The following SORCS2 variants were observed in gnomAD, a reference collection of about 807,000 sequenced individuals.
SORCS2 encodes the protein sortilin related VPS10 domain containing receptor 2, also known as VPS10 domain-containing receptor SorCS2.
A neutral mutation model predicts 141.6 loss-of-function variants in SORCS2; 100 were observed. The observed-to-expected ratio is 0.71, with a 90% CI of 0.60 to 0.83. SORCS2 has a LOEUF of 0.83. SORCS2 is among the 40% of genes least tolerant of loss of function. The pLI, the probability that SORCS2 is intolerant of heterozygous loss-of-function variation, is 0.00. For missense variants in SORCS2, 1,646 were observed against 1,560.2 expected, an observed-to-expected ratio of 1.05 and a Z score of -0.93; for synonymous variants, 789 against 676.9, an observed-to-expected ratio of 1.17 and a Z score of -2.57.
chr4:7,198,696 C>A (rs1727310436), intron 1 of SORCS2, among the ~76,000 whole-genome samples: 1 of 152,126 alleles, frequency 6.6e-6, no homozygotes, highest in African/African-American at 2.4e-5. Flanking sequence ...GGGGTGAGTG[C>A]CTGTCATACT....
intron 1 of SORCS2, among the ~76,000 whole-genome samples, chr4:7,357,454 G>A (rs950289412): frequency 8.5e-5 from 13 of 152,212 alleles, no homozygotes; most frequent in African/African-American, 2.9e-4. Flanking sequence ...TGGCAGAGAA[G>A]CCTGGCTGCT....
At chr4:7,369,904 C>G (rs114698452) in intron 1 of SORCS2, among the ~76,000 whole-genome samples, 151 of 152,362 alleles carry the variant, frequency 9.9e-4, no homozygotes, top group African/African-American at 3.4e-3. Flanking sequence ...CCAGCTCCCC[C>G]TCCCCATGTT....
At chr4:7,448,165 GC>G in intron 2 of SORCS2, among the ~76,000 whole-genome samples, 1 of 152,284 alleles carries the variant, frequency 6.6e-6, no homozygotes, top group East Asian at 1.9e-4. Context: ...TGTGTTTCGT[GC>G]CCCCCACTGT....
chr4:7,638,520 G>A, intron 4 of SORCS2, 28 bp downstream of exon 4: 1 of 1,595,314 alleles, frequency 6.3e-7, no homozygotes, highest in Non-Finnish European at 8.5e-7. Context: ...CAGTCGCCTG[G>A]TCTGTGGGGC....
chr4:7,527,882 C>A (rs1288662928), intron 2 of SORCS2, among the ~76,000 whole-genome samples: 1 of 152,134 alleles, frequency 6.6e-6, no homozygotes, highest in East Asian at 1.9e-4. Flanking sequence ...TTAGACCTGG[C>A]AGTGGGGGCA....
At chr4:7,527,887 G>C (rs1387044203) in intron 2 of SORCS2, among the ~76,000 whole-genome samples, 1 of 152,122 alleles carries the variant, frequency 6.6e-6, no homozygotes, top group East Asian at 1.9e-4. Flanking sequence ...CCTGGCAGTG[G>C]GGGCAGCCTG....
chr4:7,724,666 A>G (rs1384497377), intron 19 of SORCS2, among the ~76,000 whole-genome samples: 1 of 117,326 alleles, frequency 8.5e-6, no homozygotes, highest in African/African-American at 3.3e-5. Context: ...AGTTATGGTG[A>G]TAATGGTGGT....
At chr4:7,422,876 C>T (rs1726174847) in intron 2 of SORCS2, among the ~76,000 whole-genome samples, 1 of 152,224 alleles carries the variant, frequency 6.6e-6, no homozygotes, top group Non-Finnish European at 1.5e-5. Context: ...TCTCAGCACA[C>T]CCGGAGGTCC....
chr4:7,678,320 C>G (rs554367102), intron 9 of SORCS2, among the ~76,000 whole-genome samples: 1 of 150,412 alleles, frequency 6.6e-6, no homozygotes, highest in African/African-American at 2.5e-5. Flanking sequence ...TTCGCAGTGG[C>G]CCGGTCCAAA....
intron 3 of SORCS2, among the ~76,000 whole-genome samples, chr4:7,602,260 C>G (rs1717750216): frequency 6.6e-6 from 1 of 151,718 alleles, no homozygotes; most frequent in Admixed American, 6.6e-5. Flanking sequence ...AGAGGCGCCC[C>G]CCACCTCCCT....
At chr4:7,695,940 G>GGA (rs1560491052) in intron 11 of SORCS2, among the ~76,000 whole-genome samples, 2,361 of 88,516 alleles carry the variant, frequency 0.027, 210 homozygotes, top group African/African-American at 0.076. Flanking sequence ...GGGTGGGTGG[G>GGA]TGGATGGATG....
chr4:7,633,429 C>T (rs796301882), intron 3 of SORCS2, among the ~76,000 whole-genome samples: 7 of 152,170 alleles, frequency 4.6e-5, no homozygotes, highest in South Asian at 2.1e-4. Context: ...CTTCAGGGCT[C>T]ATCTGGGTGT....
intron 2 of SORCS2, among the ~76,000 whole-genome samples, chr4:7,480,328 A>G (rs115344456): frequency 0.018 from 2,679 of 152,224 alleles, 72 homozygotes; most frequent in African/African-American, 0.062. Flanking sequence ...TGGCTGCATT[A>G]TTTAGACTAG....
intron 1 of SORCS2, among the ~76,000 whole-genome samples, chr4:7,268,483 A>T (rs556860271): frequency 6.6e-6 from 1 of 152,290 alleles, no homozygotes; most frequent in Admixed American, 6.5e-5. Flanking sequence ...AGCTGTGCCG[A>T]TGGCCACCCC....
chr4:7,540,929 G>A lies in SORCS2; in HGVS notation c.648+9300G>A, dbSNP rs114732053. Among the ~76,000 whole-genome samples the A allele has an allele frequency of 5.9e-3, 892 of 152,324 alleles. 9 individuals are homozygous for A. The highest frequency in any genetic ancestry group is 0.02 in the African/African-American group (828 of 41,574). ...AAAGTGGCCAAGGGAACCGGCCAGCGCCCCACCCACGAGGCTGCCCTCAGG... is the reference window on the plus strand; with the variant it reads ...AAAGTGGCCAAGGGAACCGGCCAGCACCCCACCCACGAGGCTGCCCTCAGG... On this transcript the variant is annotated intron_variant, in intron 3 of 26. Coordinates refer to ENST00000507866, the MANE Select transcript of SORCS2 (RefSeq NM_020777.3).
chr4:7,501,446 A>G (rs1731971614), intron 2 of SORCS2, among the ~76,000 whole-genome samples: 1 of 152,238 alleles, frequency 6.6e-6, no homozygotes, highest in Non-Finnish European at 1.5e-5. Context: ...CGGTGCCATG[A>G]GCTCCCAGGG....
At chr4:7,590,661 G>A (rs78291387) in intron 3 of SORCS2, among the ~76,000 whole-genome samples, 344 of 152,330 alleles carry the variant, frequency 2.3e-3, no homozygotes, top group African/African-American at 7.3e-3. Flanking sequence ...AGGTCACAAC[G>A]GCTAATAGGG....
intron 2 of SORCS2, among the ~76,000 whole-genome samples, chr4:7,461,067 C>T (rs1729276140): frequency 6.6e-6 from 1 of 152,142 alleles, no homozygotes; most frequent in African/African-American, 2.4e-5. Context: ...CTGGAAGCTT[C>T]TTCAAGATGC....
intron 3 of SORCS2, among the ~76,000 whole-genome samples, chr4:7,578,976 G>T (rs1381927603): frequency 3.3e-5 from 5 of 152,130 alleles, no homozygotes; most frequent in Non-Finnish European, 5.9e-5. Flanking sequence ...TTCCCATGAT[G>T]CCCCCTGCAC....
Sources: allele counts gnomAD v4.1 joint callset (sites outside exome capture counted in the v4.1 genomes callset), GRCh38; gene constraint gnomAD v4.1.1; transcripts MANE v1.5; gene names NCBI Gene and HGNC (gene_info 2026-07-23, HGNC 2026-07-21).